The following CNTLN variants were observed in gnomAD, a reference collection of about 807,000 sequenced individuals.
CNTLN encodes centlein, also known as centlein, centrosomal protein.
CNTLN carries 212 observed loss-of-function variants against 180.0 expected under a neutral mutation model. The ratio of observed to expected loss-of-function variants is 1.18; its 90% confidence interval spans 1.05 to 1.32. The LOEUF (loss-of-function observed/expected upper bound fraction) is 1.32, where lower values mean the gene tolerates loss of function less well. Among genes scored for constraint, CNTLN ranks in the 40% most tolerant of loss-of-function variants. The pLI is 0.00. For synonymous variants in CNTLN, 722 were observed against 563.1 expected (o/e 1.28, Z -3.99); for missense variants, 2,095 against 1,610.9 (o/e 1.30, Z -5.14).
intron 5 of CNTLN, among the ~76,000 whole-genome samples, chr9:17,247,943 A>G (rs902854024): frequency 7.3e-5 from 11 of 150,062 alleles, no homozygotes; most frequent in African/African-American, 2.7e-4. Flanking sequence ...CAATCCTCCA[A>G]CCTCAACCTT....
chr9:17,341,719 A>G (rs1056569140), intron 11 of CNTLN, among the ~76,000 whole-genome samples: 2 of 152,220 alleles, frequency 1.3e-5, no homozygotes, highest in African/African-American at 4.8e-5. Flanking sequence ...TTTTATGTTC[A>G]GAAAATGAAA....
At chr9:17,308,423 A>G (rs149034856) in intron 7 of CNTLN, among the ~76,000 whole-genome samples, 1 of 151,998 alleles carries the variant, frequency 6.6e-6, no homozygotes, top group East Asian at 1.9e-4. Context: ...TTACTGCTTG[A>G]CTTTGTCTCT....
chr9:17,515,662 C>A, the CNTLN span, among the ~76,000 whole-genome samples: 1 of 152,110 alleles, frequency 6.6e-6, no homozygotes, highest in Non-Finnish European at 1.5e-5. Flanking sequence ...TTCAATGTAT[C>A]GGGAAATTCT....
chr9:17,323,914 G>A (rs539438192), intron 8 of CNTLN, among the ~76,000 whole-genome samples: 1 of 152,156 alleles, frequency 6.6e-6, no homozygotes, highest in South Asian at 2.1e-4. Flanking sequence ...GAATTGAGAG[G>A]TGATGACAGC....
chr9:17,140,135 C>T (rs1000202905), intron 1 of CNTLN, among the ~76,000 whole-genome samples: 4 of 151,180 alleles, frequency 2.6e-5, no homozygotes, highest in African/African-American at 7.3e-5. Flanking sequence ...TGTGTTTTTT[C>T]GGGGGGGGAC....
At chr9:17,169,397 T>TTTGAA (rs1374695644) in intron 2 of CNTLN, among the ~76,000 whole-genome samples, 2 of 152,170 alleles carry the variant, frequency 1.3e-5, no homozygotes, top group Non-Finnish European at 2.9e-5. Context: ...GGTACATTCC[T>TTTGAA]TTGAATTGTT....
At chr9:17,440,930 C>T (rs763124734) in intron 18 of CNTLN, among the ~76,000 whole-genome samples, 1 of 152,040 alleles carries the variant, frequency 6.6e-6, no homozygotes, top group Admixed American at 6.5e-5. Context: ...TTGACTAGAG[C>T]CAGGGATGGG....
chr9:17,504,925 G>C (rs1180300569), downstream of CNTLN, among the ~76,000 whole-genome samples: 1 of 152,058 alleles, frequency 6.6e-6, no homozygotes, highest in East Asian at 1.9e-4. Context: ...CTAAGTTTGT[G>C]GTACTTTGTG....
intron 5 of CNTLN, among the ~76,000 whole-genome samples, chr9:17,260,354 T>A (rs1267141621): frequency 6.6e-6 from 1 of 151,376 alleles, no homozygotes; most frequent in African/African-American, 2.5e-5. Flanking sequence ...TTTTTTATAA[T>A]TTCTGTTCTT....
chr9:17,150,302 T>C (rs1307231289), intron 2 of CNTLN, among the ~76,000 whole-genome samples: 1 of 152,228 alleles, frequency 6.6e-6, no homozygotes, highest in Non-Finnish European at 1.5e-5. Context: ...TTTAAGTCTT[T>C]GATCCATCTT....
intron 13 of CNTLN, among the ~76,000 whole-genome samples, chr9:17,368,544 A>G (rs557330088): frequency 2.4e-4 from 36 of 152,234 alleles, no homozygotes; most frequent in Middle Eastern, 3.4e-3. Flanking sequence ...CTTGGGTGAG[A>G]CTCAGGGATA....
intron 2 of CNTLN, among the ~76,000 whole-genome samples, chr9:17,191,194 C>G (rs1336268675): frequency 6.6e-6 from 1 of 152,212 alleles, no homozygotes; most frequent in South Asian, 2.1e-4. Flanking sequence ...GCTTCTCATA[C>G]TTTGAAATCA....
rs976763279 is a variant in CNTLN, at chr9:17,502,829, A to C, written c.*177A>C. 2 of 348,690 alleles carry C rather than the reference A, an allele frequency of 5.7e-6. No individual in the cohort carries two copies. Among genetic ancestry groups the C allele is most frequent in the African/African-American group, 4.3e-5 (2 of 46,738 alleles). The allele number at this position is 348,690 out of a possible 1,614,324, so 21.6% of individuals were successfully genotyped here. A position where few individuals can be genotyped will look rare whatever the true frequency, so the allele number is the denominator to read the frequency against. On this transcript the variant is annotated 3_prime_UTR_variant, in exon 26 of 26. Coordinates refer to ENST00000380647, the MANE Select transcript of CNTLN (RefSeq NM_017738.4). The stretch of plus-strand genomic sequence containing the variant: ...TGAACAAGTGAAACTAATTAAGTAC[A>C]TAGCCATTTAAAAGGAAATAGTGTA...
intron 6 of CNTLN, among the ~76,000 whole-genome samples, chr9:17,282,655 T>C (rs1210649419): frequency 6.6e-6 from 1 of 152,212 alleles, no homozygotes; most frequent in Non-Finnish European, 1.5e-5. Flanking sequence ...CATGAAATCT[T>C]TGCCCGGGCC....
At chr9:17,210,020 A>G (rs1029784534) in intron 2 of CNTLN, among the ~76,000 whole-genome samples, 11 of 152,192 alleles carry the variant, frequency 7.2e-5, no homozygotes, top group African/African-American at 2.4e-4. Context: ...AACTTGCTTA[A>G]TACTTAACTC....
At chr9:17,139,974 G>T in intron 1 of CNTLN, among the ~76,000 whole-genome samples, 1 of 151,992 alleles carries the variant, frequency 6.6e-6, no homozygotes, top group East Asian at 1.9e-4. Flanking sequence ...GCCTTATAGG[G>T]GTGAGCTACC....
At chr9:17,402,851 G>A (rs1001667961) in intron 15 of CNTLN, among the ~76,000 whole-genome samples, 1 of 151,706 alleles carries the variant, frequency 6.6e-6, no homozygotes, top group Non-Finnish European at 1.5e-5. Flanking sequence ...GGGCCATACT[G>A]TAGATTTGGA....
chr9:17,407,522 G>A (rs1827487241), intron 15 of CNTLN, among the ~76,000 whole-genome samples: 1 of 152,120 alleles, frequency 6.6e-6, no homozygotes, highest in African/African-American at 2.4e-5. Context: ...AGTAGACTGG[G>A]AATATAGTTA....
At chr9:17,189,310 C>CT (rs921578445) in intron 2 of CNTLN, among the ~76,000 whole-genome samples, 33 of 151,534 alleles carry the variant, frequency 2.2e-4, no homozygotes, top group African/African-American at 7.5e-4. Context: ...TCTCAATCTT[C>CT]TGACCTCATG....
Sources: allele counts gnomAD v4.1 joint callset (sites outside exome capture counted in the v4.1 genomes callset), GRCh38; gene constraint gnomAD v4.1.1; transcripts MANE v1.5; gene names NCBI Gene and HGNC (gene_info 2026-07-23, HGNC 2026-07-21).